The following CST2 variants were observed in gnomAD, a reference collection of about 807,000 sequenced individuals.
The protein encoded by CST2 is cystatin SA.
A neutral mutation model predicts 13.4 loss-of-function variants in CST2; 26 were observed. That is an observed-to-expected ratio of 1.95 (90% confidence interval 1.43 to 2.70). The LOEUF (loss-of-function observed/expected upper bound fraction) is 2.70, where lower values mean the gene tolerates loss of function less well. Ranked by LOEUF, CST2 falls within the 30% of genes most tolerant of loss-of-function variation. CST2 has a pLI of 0.00. For synonymous variants in CST2, 105 were observed against 71.1 expected, an observed-to-expected ratio of 1.48 and a Z score of -2.40; for missense variants, 243 against 173.4, an observed-to-expected ratio of 1.40 and a Z score of -2.25.
At chr20:23,824,326 G>T (rs1984759065) in intron 2 of CST2, among the ~76,000 whole-genome samples, 1 of 152,162 alleles carries the variant, frequency 6.6e-6, no homozygotes, top group Non-Finnish European at 1.5e-5. Flanking sequence ...CCCCACCGCA[G>T]CCTGCAGTGT....
intron 2 of CST2, among the ~76,000 whole-genome samples, chr20:23,824,307 G>A (rs1391207947): frequency 6.6e-6 from 1 of 152,052 alleles, no homozygotes; most frequent in Non-Finnish European, 1.5e-5. Flanking sequence ...TCACCAGGTG[G>A]CATTGGGCCC....
intron 2 of CST2, among the ~76,000 whole-genome samples, chr20:23,824,689 C>T (rs1984770568): frequency 6.6e-6 from 1 of 152,090 alleles, no homozygotes; most frequent in African/African-American, 2.4e-5. Flanking sequence ...TGGCTGCATG[C>T]AGGTACCTGA....
At chr20:23,826,130 G>A (rs1460687550) in intron 1 of CST2, among the ~76,000 whole-genome samples, 5 of 152,190 alleles carry the variant, frequency 3.3e-5, no homozygotes. Context: ...GTGAAGTAGG[G>A]CTCTGCAGAA....
At position 23,826,690 on chromosome 20, in the gene CST2, G is replaced by T; in HGVS notation, c.-30C>A. On this transcript the variant is annotated 5_prime_UTR_variant, in exon 1 of 3. Coordinates refer to ENST00000304725, the MANE Select transcript of CST2 (RefSeq NM_001322.3). ...TCCTCGGAGGCAGAGCACAGAGCTGGAGCTGCAGGAGAGGAGGTTGAGAGC... is the reference window on the plus strand; with the variant it reads ...TCCTCGGAGGCAGAGCACAGAGCTGTAGCTGCAGGAGAGGAGGTTGAGAGC... The T allele has an allele frequency of 6.4e-7, 1 of 1,550,448 alleles. No homozygotes were observed. Among genetic ancestry groups the T allele is most frequent in the Non-Finnish European group, 8.7e-7 (1 of 1,147,920 alleles).
intron 2 of CST2, among the ~76,000 whole-genome samples, 199 bp downstream of exon 2, chr20:23,825,011 C>G (rs1365026969): frequency 1.3e-5 from 2 of 152,084 alleles, no homozygotes; most frequent in Admixed American, 1.3e-4. Context: ...CATGTGTGTA[C>G]ACACATGCAC....
rs139220979 is a variant in CST2 at position 23,824,025 on chromosome 20, C to T, written c.421G>A (p.Ala141Thr). Reference protein sequence around the residue: ...MSLVNSRCQEA With the variant: ...MSLVNSRCQET ...TGACTCCCTGGCACAGATCCCTAGG[C>T]TTCTTGACACCTGGAATTCACCAGG... The change falls in exon 3 of 3, where the codon GCC becomes ACC. Residue 141 changes from alanine to threonine, a missense_variant. Transcript: ENST00000304725. 3,253 of 1,614,056 alleles carry T rather than the reference C, an allele frequency of 2.0e-3. 3 individuals are homozygous for T. The highest frequency in any genetic ancestry group is 2.6e-3 in the Non-Finnish European group (3,118 of 1,179,920).
chr20:23,824,209 A>C, intron 2 of CST2, 106 bp from the exon 3 acceptor site: 1 of 1,145,634 alleles, frequency 8.7e-7, no homozygotes. Flanking sequence ...GAGGTGAGAC[A>C]CTGGGCCCTC....
rs1047026266 is a variant in CST2 at position 23,826,715 on chromosome 20, C to T, written c.-55G>A. 31 of 1,490,568 alleles carry T rather than the reference C, an allele frequency of 2.1e-5. No individual in the cohort carries two copies. The highest frequency in any genetic ancestry group is 4.8e-4 in the Middle Eastern group (2 of 4,176). 92.3% of individuals were successfully genotyped at this position (1,490,568 alleles called of 1,614,324 possible). A position where few individuals can be genotyped will look rare whatever the true frequency, so the allele number is the denominator to read the frequency against. On this transcript the variant is annotated 5_prime_UTR_variant, in exon 1 of 3. Transcript: ENST00000304725. Reference sequence around the variant, plus strand: ...GAGCTGCAGGAGAGGAGGTTGAGAGCCTGAGGCGGGGATCCCAGACCAGCA... The same window carrying T: ...GAGCTGCAGGAGAGGAGGTTGAGAGTCTGAGGCGGGGATCCCAGACCAGCA...
intron 2 of CST2, among the ~76,000 whole-genome samples, chr20:23,824,911 C>G (rs8120335): frequency 0.23 from 34,963 of 151,816 alleles, 4,597 homozygotes; most frequent in East Asian, 0.38. Flanking sequence ...CTCACTTGGA[C>G]CCCTCAACCC....
rs146392091 is a variant in CST2, at chr20:23,825,244, G to T, written c.308C>A (p.Thr103Asn). ...ICTKSQPNLD[T>N]CAFHEQPELQ... ...TTCTGGCTGTTCATGGAAGGCACAG[G>T]TGTCCAAGTTGGGCTGGGACTTGGT... Residue 103 changes from threonine (T) to asparagine (N), a missense_variant, in exon 2 of 3, where the codon ACC becomes AAC. Thr to Asn is a moderately conservative substitution (Grantham distance 65). Coordinates refer to ENST00000304725, the MANE Select transcript of CST2 (RefSeq NM_001322.3). The T allele has an allele frequency of 7.3e-5, 118 of 1,614,018 alleles. No individual in the cohort carries two copies. Among genetic ancestry groups the T allele is most frequent in the Non-Finnish European group, 9.7e-5 (115 of 1,180,030 alleles).
At chr20:23,825,946 A>G (rs1984820633) in intron 1 of CST2, among the ~76,000 whole-genome samples, 1 of 152,146 alleles carries the variant, frequency 6.6e-6, no homozygotes, top group African/African-American at 2.4e-5. Flanking sequence ...CTACTGGGTA[A>G]CTGCTGTCCT....
intron 1 of CST2, 45 bp from the exon 2 acceptor site, chr20:23,825,368 G>A: frequency 6.3e-6 from 10 of 1,599,946 alleles, no homozygotes; most frequent in Non-Finnish European, 7.7e-6. Context: ...GCCCCCATCA[G>A]TTCATGCACT....
At chr20:23,825,083 T>C (rs6049156) in intron 2 of CST2, 127 bp downstream of exon 2, 458,249 of 1,251,466 alleles carry the variant, frequency 0.37, 60,321 homozygotes, top group African/African-American at 0.61. Context: ...TATACATCCA[T>C]GCATACATGA....
chr20:23,824,132 A>G, intron 2 of CST2, 29 bp from the exon 3 acceptor site: 6 of 1,610,276 alleles, frequency 3.7e-6, no homozygotes, highest in Non-Finnish European at 5.1e-6. Flanking sequence ...AGGGCCAATC[A>G]GTGTGAGTTA....
At chr20:23,826,361 G>A (rs1218923427) in intron 1 of CST2, 72 bp downstream of exon 1, 5 of 1,209,724 alleles carry the variant, frequency 4.1e-6, no homozygotes, top group African/African-American at 3.0e-5. Context: ...TTGATGTGCT[G>A]CGAATGCTCT....
At chr20:23,825,117 C>G in intron 2 of CST2, 93 bp downstream of exon 2, 1 of 1,546,084 alleles carries the variant, frequency 6.5e-7, no homozygotes, top group Non-Finnish European at 8.9e-7. Flanking sequence ...CACCTGCACA[C>G]ACACACCCTC....
At chr20:23,826,164 C>T (rs1984829880) in intron 1 of CST2, among the ~76,000 whole-genome samples, 2 of 152,256 alleles carry the variant, frequency 1.3e-5, no homozygotes, top group South Asian at 2.1e-4. Context: ...TCCTGTGTGG[C>T]CCCTGAGGAG....
At position 23,826,712 on chromosome 20, in the gene CST2, G is replaced by A. The variant is rs1984856172; in HGVS notation, c.-52C>T. 1 of 1,502,798 alleles carries A rather than the reference G, an allele frequency of 6.7e-7. No homozygotes were observed. Among genetic ancestry groups the A allele is most frequent in the South Asian group, 1.2e-5 (1 of 80,078 alleles). The allele number at this position is 1,502,798 out of a possible 1,614,324, so 93.1% of individuals were successfully genotyped here. On this transcript the variant is annotated 5_prime_UTR_variant, in exon 1 of 3. Coordinates refer to ENST00000304725, the MANE Select transcript of CST2 (RefSeq NM_001322.3). ...CTGGAGCTGCAGGAGAGGAGGTTGA[G>A]AGCCTGAGGCGGGGATCCCAGACCA...
Position 23,825,342 on chromosome 20 carries a change from A to G in CST2, c.229-19T>C. 6.2e-7 allele frequency: 1 copy of G among 1,613,242 alleles called. No individual in the cohort carries two copies. The highest frequency in any genetic ancestry group is 1.7e-5 in the Admixed American group (1 of 60,012). On this transcript the variant is annotated intron_variant, in intron 1 of 2. Coordinates refer to ENST00000304725, the MANE Select transcript of CST2 (RefSeq NM_001322.3). ...CCACGATCTACACACATGAGAAAAC[A>G]GGATGCACGGACAGCGCCCCCATCA...
Sources: allele counts gnomAD v4.1 joint callset (sites outside exome capture counted in the v4.1 genomes callset), GRCh38; gene constraint gnomAD v4.1.1; transcripts MANE v1.5; gene names NCBI Gene and HGNC (gene_info 2026-07-23, HGNC 2026-07-21).